Variants in COMMD5 observed in about 807,000 individuals in gnomAD.
The protein encoded by COMMD5 is COMM domain-containing protein 5.
A neutral mutation model predicts 6.9 loss-of-function variants in COMMD5; 10 were observed. That is an observed-to-expected ratio of 1.44 (90% confidence interval 0.89 to 2.45). The LOEUF (loss-of-function observed/expected upper bound fraction) is 2.45, where lower values mean the gene tolerates loss of function less well. Ranked by LOEUF, COMMD5 falls within the 30% of genes most tolerant of loss-of-function variation. COMMD5 has a pLI of 0.00. For synonymous variants in COMMD5, 127 were observed against 125.3 expected (o/e 1.01, Z -0.09); for missense variants, 234 against 287.8 (o/e 0.81, Z 1.35).
rs780636592 is a variant in COMMD5 at position 144,842,305 on chromosome 8, C to T, written c.*117-562G>A. On this transcript the variant is annotated intron_variant and NMD_transcript_variant, in intron 1 of 1. Coordinates refer to the COMMD5 transcript ENST00000530332. ...TCTAAAAGCCTCAGACAGTCCAAGC[C>T]TTGTTGCACATCAGAGAATTCACGC... The T allele has an allele frequency of 2.5e-6, 4 of 1,614,024 alleles. 1 individual carries two copies. The highest frequency in any genetic ancestry group is 4.5e-5 in the East Asian group (2 of 44,880).
upstream of COMMD5, chr8:144,853,479 C>T (rs1209874): frequency 0.3 from 45,590 of 152,014 alleles, 7,931 homozygotes; most frequent in South Asian, 0.51. Flanking sequence ...CGTCCCTGTC[C>T]CGTGTGGACG....
At chr8:144,844,487 G>T (rs1383071969) in intron 1 of COMMD5, among the ~76,000 whole-genome samples, 2 of 151,754 alleles carry the variant, frequency 1.3e-5, no homozygotes, top group African/African-American at 4.8e-5. Context: ...GAGGTGGGTG[G>T]ATCATGAGGT....
At chr8:144,845,882 G>A (rs1830485365), downstream of COMMD5, 2 of 1,247,610 alleles carry the variant, frequency 1.6e-6, no homozygotes, top group Non-Finnish European at 2.2e-6. Flanking sequence ...CTTGCGTCAC[G>A]TGGCTGCTGA....
chr8:144,843,716 T>TTGAC (rs1243459498), intron 1 of COMMD5: 1 of 152,196 alleles, frequency 6.6e-6, no homozygotes, highest in Admixed American at 6.5e-5. Flanking sequence ...CAGTTTTGAG[T>TTGAC]TGACAGGTCC....
chr8:144,841,974 GA>G, intron 1 of COMMD5: 1 of 1,614,166 alleles, frequency 6.2e-7, no homozygotes. Flanking sequence ...CCTTCCGCCT[GA>G]GCTCAAAACT....
chr8:144,851,089 C>A lies in COMMD5; in HGVS notation c.250G>T (p.Ala84Ser), dbSNP rs141237370. The change falls in exon 2 of 2, where the codon GCC becomes TCC. Residue 84 changes from alanine (A) to serine (S), a missense_variant. Transcript: ENST00000305103. ...SANLPEEQLG[A>S]LLAGMHTLLQ... Reference sequence around the variant, plus strand: ...AGTGTGTGCATGCCTGCCAGCAGGGCACCCAGCTGCTCCTCCGGCAGGTTG... The same window carrying A: ...AGTGTGTGCATGCCTGCCAGCAGGGAACCCAGCTGCTCCTCCGGCAGGTTG... 1.1e-3 allele frequency: 1,799 copies of A among 1,611,732 alleles called. No individual in the cohort carries two copies. The highest frequency in any genetic ancestry group is 1.4e-3 in the Non-Finnish European group (1,673 of 1,179,372).
upstream of COMMD5, chr8:144,853,083 G>A (rs1277197122): frequency 6.6e-6 from 1 of 152,268 alleles, no homozygotes; most frequent in Non-Finnish European, 1.5e-5. Flanking sequence ...CTCTAGGAAG[G>A]CAGCAATGAC....
chr8:144,840,343 C>T (rs532263015), downstream of COMMD5, among the ~76,000 whole-genome samples: 45 of 152,320 alleles, frequency 3.0e-4, no homozygotes, highest in African/African-American at 8.4e-4. Context: ...CCCTGGAAGC[C>T]GGAGACTCAC....
intron 1 of COMMD5, among the ~76,000 whole-genome samples, chr8:144,844,359 C>G (rs984596412): frequency 2.6e-4 from 40 of 152,232 alleles, no homozygotes; most frequent in South Asian, 1.9e-3. Flanking sequence ...GCCTAGTTGC[C>G]CCACTTTTTT....
At chr8:144,847,837 C>T (rs1052456304), downstream of COMMD5, among the ~76,000 whole-genome samples, 10 of 152,130 alleles carry the variant, frequency 6.6e-5, no homozygotes, top group African/African-American at 1.9e-4. Flanking sequence ...TGCAGACATC[C>T]GTTCTCTGTG....
chr8:144,845,415 G>C (rs1339032391), downstream of COMMD5, among the ~76,000 whole-genome samples: 1 of 152,016 alleles, frequency 6.6e-6, no homozygotes, highest in African/African-American at 2.4e-5. Flanking sequence ...ACACAACCTT[G>C]AGAAGTGGCC....
At chr8:144,845,773 C>T (rs1453825725), downstream of COMMD5, among the ~76,000 whole-genome samples, 3 of 152,208 alleles carry the variant, frequency 2.0e-5, no homozygotes, top group Admixed American at 6.5e-5. Context: ...TCTCCACAGC[C>T]ATGGAGTCAG....
downstream of COMMD5, among the ~76,000 whole-genome samples, chr8:144,849,473 A>G (rs1021894622): frequency 6.6e-6 from 1 of 152,126 alleles, no homozygotes; most frequent in African/African-American, 2.4e-5. Flanking sequence ...TGGAGGAGAC[A>G]ACCCAAAAAC....
chr8:144,841,356 T>G (rs1482094330), exon 2 of COMMD5: 2 of 1,597,410 alleles, frequency 1.3e-6, no homozygotes, highest in East Asian at 4.5e-5. Context: ...TTATTTCAGA[T>G]TCTACGATTA....
downstream of COMMD5, chr8:144,845,918 TA>T: frequency 6.7e-7 from 1 of 1,495,940 alleles, no homozygotes; most frequent in Non-Finnish European, 8.9e-7. Context: ...GTAATGTGCT[TA>T]GCCAGGTGGT....
rs1300746233 is a variant in COMMD5 at position 144,850,711 on chromosome 8, C to G, written c.628G>C (p.Glu210Gln). ...CACCTCTTCTCCAGATCTGCCATCT[C>G]CTTTAGGACCAGGGCCACGCTGTAC... ...LRYSVALVLK[E>Q]MADLEKRCER... Residue 210 changes from glutamate to glutamine, a missense_variant, in exon 2 of 2, where the codon GAG (glutamate) becomes CAG (glutamine). Coordinates refer to ENST00000305103, the MANE Select transcript of COMMD5 (RefSeq NM_014066.4). This position sits in a 1 kb window ranked among gnomAD's most constrained non-coding sequence, Gnocchi z 4.0. The G allele has an allele frequency of 6.2e-7, 1 of 1,613,954 alleles. No homozygotes were observed. The highest frequency in any genetic ancestry group is 1.3e-5 in the African/African-American group (1 of 74,916).
rs1830690376 is a variant in COMMD5, at chr8:144,850,635, G to C, written c.*29C>G. The C allele has an allele frequency of 6.3e-7, 1 of 1,593,814 alleles. No individual in the cohort carries two copies. Among genetic ancestry groups the C allele is most frequent in the Non-Finnish European group, 8.6e-7 (1 of 1,166,444 alleles). On this transcript the variant is annotated 3_prime_UTR_variant, in exon 2 of 2. Coordinates refer to ENST00000305103, the MANE Select transcript of COMMD5 (RefSeq NM_014066.4). The surrounding 1 kb of genome is among the most constrained non-coding windows in gnomAD (Gnocchi z 4.0). The stretch of plus-strand genomic sequence containing the variant: ...CCATCTCAGGTGCCTGTCCAAGCCG[G>C]ATCTGAATGGGACTGGTCAAGTGAG...
chr8:144,840,495 G>A (rs545515946), downstream of COMMD5, among the ~76,000 whole-genome samples: 4 of 152,178 alleles, frequency 2.6e-5, no homozygotes, highest in African/African-American at 9.7e-5. Flanking sequence ...GGTGGGGACC[G>A]TGGTTGTCAT....
At position 144,843,334 on chromosome 8, in the gene COMMD5, C is replaced by G. The variant is rs186468249; in HGVS notation, c.*117-1591G>C. On this transcript the variant is annotated intron_variant and NMD_transcript_variant, in intron 1 of 1. Coordinates refer to the COMMD5 transcript ENST00000530332. ...GCCGAGTGTGGTGGCTTATGCCTGT[C>G]ATCCCAGCACTTTGGGAGGCCAAGG... 83 of 815,862 alleles carry G rather than the reference C, an allele frequency of 1.0e-4. No homozygotes were observed. In the South Asian group the frequency reaches 1.6e-3, roughly 16 times the overall value. 50.5% of individuals were successfully genotyped at this position (815,862 alleles called of 1,614,324 possible).
Sources: gnomAD v4.1 joint callset for allele counts (sites outside exome capture counted in the v4.1 genomes callset) on GRCh38, gnomAD v4.1.1 for gene constraint, Gnocchi (gnomAD v3.1) non-coding constraint, MANE v1.5 for transcripts, NCBI Gene and HGNC (gene_info 2026-07-23, HGNC 2026-07-21) for gene names.